The following PCDH7 variants were observed in gnomAD, a reference collection of about 807,000 sequenced individuals.
The protein encoded by PCDH7 is protocadherin 7, also known as protocadherin-7.
A neutral mutation model predicts 58.9 loss-of-function variants in PCDH7; 17 were observed. The ratio of observed to expected loss-of-function variants is 0.29; its 90% CI spans 0.20 to 0.43. PCDH7 has a LOEUF of 0.43. Among genes scored for constraint, PCDH7 ranks in the 20% least tolerant of loss-of-function variants. The pLI is 1.00. For missense variants in PCDH7, 1,274 were observed against 1,441.0 expected (o/e 0.88, Z 1.88); for synonymous variants, 664 against 616.4 (o/e 1.08, Z -1.14).
At chr4:30,784,718 T>C (rs900687997) in intron 1 of PCDH7, among the ~76,000 whole-genome samples, 8 of 152,138 alleles carry the variant, frequency 5.3e-5, no homozygotes, top group African/African-American at 1.7e-4. Flanking sequence ...AATACTATTA[T>C]AGGAGAAGAA....
At chr4:30,735,832 G>A (rs898521535), downstream of PCDH7, among the ~76,000 whole-genome samples, 3 of 152,208 alleles carry the variant, frequency 2.0e-5, no homozygotes, top group Non-Finnish European at 4.4e-5. Flanking sequence ...AAGGATGCCA[G>A]TAAACATCAT....
intron 1 of PCDH7, chr4:30,725,414 G>A (rs1010935785): frequency 1.2e-5 from 4 of 324,516 alleles, no homozygotes; most frequent in African/African-American, 2.2e-5. Flanking sequence ...ATGATATATT[G>A]AGAATGTAAA....
intron 1 of PCDH7, among the ~76,000 whole-genome samples, chr4:30,888,425 A>G (rs1044204041): frequency 2.2e-4 from 33 of 152,236 alleles, no homozygotes; most frequent in African/African-American, 7.2e-4. Context: ...TCCTCAACAA[A>G]TAAGCTGCAA....
chr4:30,920,118 C>T, intron 1 of PCDH7, 35 bp from the exon 2 acceptor site: 5 of 1,337,192 alleles, frequency 3.7e-6, no homozygotes, highest in Non-Finnish European at 5.0e-6. Context: ...TACAATCTTA[C>T]ATCGTAGTGA....
chr4:30,947,128 C>G (rs147854533), intron 2 of PCDH7, among the ~76,000 whole-genome samples: 1,765 of 152,206 alleles, frequency 0.012, 31 homozygotes, highest in African/African-American at 0.041. Context: ...GTCCCACAGC[C>G]TTGTGTTATC....
chr4:30,904,477 A>G (rs971209769), intron 1 of PCDH7, among the ~76,000 whole-genome samples: 1 of 152,164 alleles, frequency 6.6e-6, no homozygotes, highest in African/African-American at 2.4e-5. Flanking sequence ...AGATGATTCA[A>G]TAGACAATTT....
chr4:30,951,034 C>G (rs1395142542), intron 3 of PCDH7, among the ~76,000 whole-genome samples: 2 of 152,076 alleles, frequency 1.3e-5, no homozygotes, highest in Non-Finnish European at 2.9e-5. Context: ...TTTGATGTAT[C>G]AGGCTTTGCT....
At chr4:31,111,497 A>C (rs1352737040) in intron 3 of PCDH7, among the ~76,000 whole-genome samples, 1 of 151,848 alleles carries the variant, frequency 6.6e-6, no homozygotes, top group Non-Finnish European at 1.5e-5. Flanking sequence ...TTTAGTAGAG[A>C]CGGGGTTTTT....
chr4:30,925,243 G>A (rs1330818766), intron 2 of PCDH7, among the ~76,000 whole-genome samples: 2 of 152,124 alleles, frequency 1.3e-5, no homozygotes, highest in Non-Finnish European at 2.9e-5. Context: ...TTGAGAATAA[G>A]CCACTAATTT....
chr4:30,911,598 T>A (rs767633501), intron 1 of PCDH7, among the ~76,000 whole-genome samples: 1 of 152,132 alleles, frequency 6.6e-6, no homozygotes, highest in Non-Finnish European at 1.5e-5. Flanking sequence ...TAAAATATAA[T>A]ATCTTTTTTA....
At chr4:30,922,982 A>G (rs1276111631) in intron 2 of PCDH7, among the ~76,000 whole-genome samples, 1 of 152,312 alleles carries the variant, frequency 6.6e-6, no homozygotes, top group Non-Finnish European at 1.5e-5. Context: ...TGACATAAAT[A>G]GAATTGGAAT....
Position 30,723,217 on chromosome 4 carries a change from C to A in PCDH7, c.1795C>A (p.Arg599Ser), listed in dbSNP as rs759267433. The change falls in exon 1 of 2, where the codon CGC (arginine) becomes AGC (serine). Residue 599 changes from arginine to serine, a missense_variant. This residue lies in a region of PCDH7 where 731 missense variants were observed against 881.9 expected (regional missense o/e 0.83). Transcript: ENST00000361762. The surrounding 1 kb of genome is among the most constrained non-coding windows in gnomAD (Gnocchi z 4.6). ...CATCCTGGTCAATACCGTGCTGGAC[C>A]GCGAGCAGACTGACAGGTATGAGTT... is the stretch of plus-strand genomic sequence containing the variant. The A allele has an allele frequency of 6.2e-7, 1 of 1,614,168 alleles. No individual in the cohort carries two copies. The highest frequency in any genetic ancestry group is 8.5e-7 in the Non-Finnish European group (1 of 1,180,048).
intron 3 of PCDH7, among the ~76,000 whole-genome samples, chr4:30,995,347 C>T (rs1310385822): frequency 1.3e-5 from 2 of 152,008 alleles, no homozygotes; most frequent in African/African-American, 4.8e-5. Flanking sequence ...CCTGTCTCTA[C>T]TAAAAATACA....
At chr4:30,798,558 G>C (rs1243729654) in intron 1 of PCDH7, among the ~76,000 whole-genome samples, 1 of 152,100 alleles carries the variant, frequency 6.6e-6, no homozygotes, top group East Asian at 1.9e-4. Context: ...TCAAAAATTC[G>C]TAGGCACAAA....
At position 30,862,315 on chromosome 4, in the gene PCDH7, C is replaced by G. The variant is rs1246662960; in HGVS notation, c.71-57838C>G. On this transcript the variant is annotated intron_variant, in intron 1 of 3. Coordinates refer to the PCDH7 transcript ENST00000509759. The stretch of plus-strand genomic sequence containing the variant: ...GCCAACAGTGTGAAATTCTCTGTAG[C>G]TAACATATTTCCTTTACAGGAAGCA... Among the ~76,000 whole-genome samples, 9 of 152,138 alleles carry G rather than the reference C, an allele frequency of 5.9e-5. No individual in the cohort carries two copies. The East Asian group carries it at 1.7e-3, about 29-fold the overall frequency.
At chr4:31,106,263 T>C (rs11946677) in intron 3 of PCDH7, among the ~76,000 whole-genome samples, 6,615 of 152,208 alleles carry the variant, frequency 0.043, 267 homozygotes, top group African/African-American at 0.11. Flanking sequence ...AGAGGCTTTC[T>C]TGAGGTGAAA....
At position 30,864,432 on chromosome 4, in the gene PCDH7, AACACAC is replaced by A. The variant is rs5857208; in HGVS notation, c.71-55689_71-55684del. ...ATCTTAGAAAGAAAAATTATTGGAG[AACACAC>A]ACACACACACACACACACACACACA... On this transcript the variant is annotated intron_variant, in intron 1 of 3. Coordinates refer to the PCDH7 transcript ENST00000509759. Among the ~76,000 whole-genome samples, 663 of 146,618 alleles carry A rather than the reference AACACAC, an allele frequency of 4.5e-3. 5 individuals carry two copies. The highest frequency in any genetic ancestry group is 0.031 in the South Asian group (139 of 4,498).
intron 1 of PCDH7, among the ~76,000 whole-genome samples, chr4:30,738,780 G>T (rs748050335): frequency 6.6e-6 from 1 of 152,072 alleles, no homozygotes. Flanking sequence ...AGTGGAGAGG[G>T]AGTCAGTTGA....
At chr4:30,762,501 A>G (rs1720155833) in intron 1 of PCDH7, among the ~76,000 whole-genome samples, 1 of 2,770 alleles carries the variant, frequency 3.6e-4, no homozygotes, top group African/African-American at 4.3e-3. Flanking sequence ...TCCTGAACTC[A>G]TGATATGAAA....
Sources: allele counts gnomAD v4.1 joint callset (sites outside exome capture counted in the v4.1 genomes callset), GRCh38; gene constraint gnomAD v4.1.1; regional missense constraint gnomAD v4.1.1; non-coding constraint Gnocchi (gnomAD v3.1); transcripts MANE v1.5; gene names NCBI Gene and HGNC (gene_info 2026-07-23, HGNC 2026-07-21).